Variants in VPS13C observed in about 807,000 individuals in gnomAD.
VPS13C encodes vacuolar protein sorting 13 homolog C, also known as intermembrane lipid transfer protein VPS13C.
Under a neutral mutation model 456.8 loss-of-function variants are expected in VPS13C, and 358 were observed. That is an observed-to-expected ratio of 0.78 (90% CI 0.72 to 0.86). VPS13C has a LOEUF of 0.86. Ranked by LOEUF, VPS13C falls within the 40% of genes least tolerant of loss-of-function variation. VPS13C has a pLI of 0.00. For synonymous variants in VPS13C, 1,578 were observed against 1,486.7 expected (o/e 1.06, Z -1.41); for missense variants, 4,818 against 4,385.4 (o/e 1.10, Z -2.79).
intron 66 of VPS13C, among the ~76,000 whole-genome samples, chr15:61,893,745 T>C (rs1260447036): frequency 1.3e-5 from 2 of 151,998 alleles, no homozygotes; most frequent in African/African-American, 2.4e-5. Context: ...GTATGGGGGA[T>C]GGACTTAAAA....
intron 66 of VPS13C, chr15:61,906,717 C>T (rs897919713): frequency 3.2e-5 from 5 of 156,748 alleles, no homozygotes; most frequent in Non-Finnish European, 7.1e-5. Flanking sequence ...ATTCCTATAT[C>T]AGATGGGAGG....
chr15:61,938,631 C>CT (rs140916200), intron 47 of VPS13C, among the ~76,000 whole-genome samples: 4 of 152,004 alleles, frequency 2.6e-5, no homozygotes, highest in South Asian at 2.1e-4. Context: ...TCAGATGTTA[C>CT]TTTTTTTTCT....
chr15:61,914,878 T>TAAAAAAAAAAA lies in VPS13C; in HGVS notation c.8445+744_8445+754dup, dbSNP rs60910951. ...ACCGAGCCTGGCCAAAACTCTGCCT[T>TAAAAAAAAAAA]AAAAAAAAAAAAAAAAAAAAAAAAA... is the stretch of plus-strand genomic sequence containing the variant. On this transcript the variant is annotated intron_variant, in intron 61 of 84. Coordinates refer to ENST00000644861, the MANE Select transcript of VPS13C (RefSeq NM_020821.3). Among the ~76,000 whole-genome samples the TAAAAAAAAAAA allele has an allele frequency of 9.2e-4, 94 of 102,042 alleles. 11 individuals are homozygous for TAAAAAAAAAAA. The highest frequency in any genetic ancestry group is 3.0e-3 in the South Asian group (9 of 3,008). 66.9% of individuals were successfully genotyped at this position (102,042 alleles called of 152,430 possible).
intron 66 of VPS13C, among the ~76,000 whole-genome samples, chr15:61,901,906 T>C (rs1427931074): frequency 2.6e-5 from 4 of 151,962 alleles, no homozygotes; most frequent in Admixed American, 2.0e-4. Flanking sequence ...ATGTGGCACA[T>C]ATACACCATG....
At position 61,911,829 on chromosome 15, in the gene VPS13C, A is replaced by T; in HGVS notation, c.8715+11T>A. 6.3e-7 allele frequency: 1 copy of T among 1,581,052 alleles called. No homozygotes were observed. The highest frequency in any genetic ancestry group is 8.6e-7 in the Non-Finnish European group (1 of 1,163,188). ...ATTTTAGGAATCAGTTGTAACAAAGAAAAATGCTACCTCTGAAGAAGCAAT... is the reference window on the plus strand; with the variant it reads ...ATTTTAGGAATCAGTTGTAACAAAGTAAAATGCTACCTCTGAAGAAGCAAT... On this transcript the variant is annotated intron_variant, in intron 63 of 84. Transcript: ENST00000644861.
intron 1 of VPS13C, among the ~76,000 whole-genome samples, chr15:62,046,110 AAG>A (rs1353497228): frequency 6.6e-6 from 1 of 152,192 alleles, no homozygotes; most frequent in Non-Finnish European, 1.5e-5. Context: ...AACTATAATA[AAG>A]GAAGAAAAGG....
intron 66 of VPS13C, among the ~76,000 whole-genome samples, chr15:61,893,706 T>C (rs971925323): frequency 6.6e-6 from 1 of 151,618 alleles, no homozygotes. Flanking sequence ...ACAAAAAAGA[T>C]ATAAATTGAG....
chr15:61,884,040 T>G (rs1358819890), intron 68 of VPS13C, 88 bp downstream of exon 68: 1 of 1,231,466 alleles, frequency 8.1e-7, no homozygotes, highest in East Asian at 2.4e-5. Context: ...TTTCTGCACA[T>G]GTCTTTACTT....
chr15:61,897,976 C>T (rs1486869878), intron 66 of VPS13C, among the ~76,000 whole-genome samples: 1 of 152,050 alleles, frequency 6.6e-6, no homozygotes, highest in Non-Finnish European at 1.5e-5. Context: ...GAATTTTCAA[C>T]CCAGAATTTC....
intron 15 of VPS13C, among the ~76,000 whole-genome samples, chr15:62,004,617 T>C (rs1308058266): frequency 6.6e-6 from 1 of 151,726 alleles, no homozygotes; most frequent in East Asian, 1.9e-4. Flanking sequence ...GATGTTAGGG[T>C]GTCAGTTTTG....
intron 75 of VPS13C, 75 bp downstream of exon 75, chr15:61,876,898 A>G: frequency 9.2e-7 from 1 of 1,092,334 alleles, no homozygotes; most frequent in Non-Finnish European, 1.3e-6. Flanking sequence ...ATTACTGCAC[A>G]CTATACAGTC....
At chr15:61,913,515 C>T (rs1222253191) in intron 61 of VPS13C, 100 bp from the exon 62 acceptor site, 18 of 952,666 alleles carry the variant, frequency 1.9e-5, no homozygotes, top group African/African-American at 3.3e-5. Context: ...TCTTTAGTAC[C>T]GTGGGACACA....
In VPS13C at chr15:61,981,464, T is replaced by C. The variant is rs529487754; in HGVS notation, c.2044A>G (p.Ile682Val). The change falls in exon 22 of 85, where the codon ATT (isoleucine) becomes GTT (valine). Residue 682 changes from isoleucine to valine, a missense_variant. This residue lies in a region of VPS13C where 4,552 missense variants were observed against 4,130.6 expected (regional missense o/e 1.10). Coordinates refer to ENST00000644861, the MANE Select transcript of VPS13C (RefSeq NM_020821.3). ...ERTATGLTHI[I>V]ETRKVLDLRI... ...AAATCAAGGACTTTTCGAGTTTCAATAATATGTGTAAGTCCTAAAGACGTA... is the reference window on the plus strand; with the variant it reads ...AAATCAAGGACTTTTCGAGTTTCAACAATATGTGTAAGTCCTAAAGACGTA... The C allele has an allele frequency of 1.8e-5, 29 of 1,608,114 alleles. No homozygotes were observed. The highest frequency in any genetic ancestry group is 1.6e-4 in the African/African-American group (12 of 74,610).
Position 61,940,807 on chromosome 15 carries a change from CA to C in VPS13C, c.5454-14del. 1 of 1,602,926 alleles carries C rather than the reference CA, an allele frequency of 6.2e-7. No individual in the cohort carries two copies. Among genetic ancestry groups the C allele is most frequent in the Non-Finnish European group, 8.5e-7 (1 of 1,174,204 alleles). On this transcript the variant is annotated splice_polypyrimidine_tract_variant and intron_variant, in intron 46 of 84. Coordinates refer to ENST00000644861, the MANE Select transcript of VPS13C (RefSeq NM_020821.3). ...CTGCAAAATAGTTCTGAAAGAAAAA[CA>C]AGAATTTATTTTTTACTTCAAATTT...
At chr15:61,876,190 T>C (rs896196824) in intron 75 of VPS13C, among the ~76,000 whole-genome samples, 2 of 151,948 alleles carry the variant, frequency 1.3e-5, no homozygotes, top group Non-Finnish European at 2.9e-5. Flanking sequence ...CCCAACAGTT[T>C]AGGAGACTGA....
At chr15:61,987,998 A>G (rs2046109176) in intron 18 of VPS13C, among the ~76,000 whole-genome samples, 1 of 148,760 alleles carries the variant, frequency 6.7e-6, no homozygotes, top group African/African-American at 2.6e-5. Flanking sequence ...TCAACAGGAA[A>G]TAGATAAAAA....
At chr15:61,950,446 A>C in intron 40 of VPS13C, 29 bp from the exon 41 acceptor site, 1 of 1,526,108 alleles carries the variant, frequency 6.6e-7, no homozygotes. Flanking sequence ...TACACCACTG[A>C]GTTTCAAACA....
At chr15:62,042,629 A>G (rs1261349964) in intron 2 of VPS13C, among the ~76,000 whole-genome samples, 1 of 152,164 alleles carries the variant, frequency 6.6e-6, no homozygotes, top group African/African-American at 2.4e-5. Context: ...ACAAACTGCA[A>G]ACTACAAAAA....
chr15:61,863,344 T>C, intron 82 of VPS13C, 96 bp downstream of exon 82: 1 of 855,522 alleles, frequency 1.2e-6, no homozygotes, highest in African/African-American at 1.7e-5. Context: ...GAATTTTAAG[T>C]ACAATTTTCC....
Sources: gnomAD v4.1 joint callset for allele counts (sites outside exome capture counted in the v4.1 genomes callset) on GRCh38, gnomAD v4.1.1 for gene constraint, gnomAD v4.1.1 regional missense constraint, MANE v1.5 for transcripts, NCBI Gene and HGNC (gene_info 2026-07-23, HGNC 2026-07-21) for gene names.